PHIP: variants seen among roughly 807,000 people sequenced by gnomAD.
The protein encoded by PHIP is PH-interacting protein.
Under a neutral mutation model 236.8 loss-of-function variants are expected in PHIP, and 54 were observed. The ratio of observed to expected loss-of-function variants is 0.23; its 90% confidence interval spans 0.18 to 0.29. The LOEUF is 0.29. Ranked by LOEUF, PHIP falls within the 10% of genes least tolerant of loss-of-function variation. PHIP has a pLI of 1.00. For synonymous variants in PHIP, 756 were observed against 718.9 expected, an observed-to-expected ratio of 1.05 and a Z score of -0.83; for missense variants, 1,370 against 2,190.8, an observed-to-expected ratio of 0.63 and a Z score of 7.48.
intron 18 of PHIP, 46 bp downstream of exon 18, chr6:78,998,208 G>C: frequency 1.3e-6 from 2 of 1,524,084 alleles, no homozygotes; most frequent in South Asian, 1.1e-5. Context: ...GATTTAGGCT[G>C]TTTCAAATTT....
rs749377676 is a variant in PHIP, at chr6:79,078,015, G to GC, written c.40+13dup. ...TCGCCCGGTGCCAGCGGCCCCGGCAGCCCCCCGACTTACCCGATCGCAGCT... is the reference window on the plus strand; with the variant it reads ...TCGCCCGGTGCCAGCGGCCCCGGCAGCCCCCCCGACTTACCCGATCGCAGCT... On this transcript the variant is annotated intron_variant, in intron 1 of 39. Coordinates refer to ENST00000275034, the MANE Select transcript of PHIP (RefSeq NM_017934.7). 54 of 1,608,248 alleles carry GC rather than the reference G, an allele frequency of 3.4e-5. No homozygotes were observed. The highest frequency in any genetic ancestry group is 3.4e-4 in the East Asian group (15 of 44,724).
intron 4 of PHIP, among the ~76,000 whole-genome samples, chr6:79,074,709 T>C (rs112724833): frequency 6.6e-6 from 1 of 152,084 alleles, no homozygotes; most frequent in African/African-American, 2.4e-5. Context: ...GATACGACCA[T>C]TTCCTTTCTC....
intron 17 of PHIP, among the ~76,000 whole-genome samples, chr6:79,001,007 T>A (rs967488442): frequency 3.9e-5 from 6 of 152,206 alleles, no homozygotes; most frequent in African/African-American, 1.2e-4. Flanking sequence ...ACGTTTGAGG[T>A]TGATTTTTTC....
At chr6:78,955,327 C>T (rs983518046) in intron 33 of PHIP, 45 bp from the exon 34 acceptor site, 3 of 1,347,928 alleles carry the variant, frequency 2.2e-6, no homozygotes, top group Non-Finnish European at 3.2e-6. Context: ...TTTTAGATGT[C>T]ATTATACTTT....
intron 24 of PHIP, among the ~76,000 whole-genome samples, chr6:78,972,743 G>C (rs1379991251): frequency 6.6e-5 from 10 of 152,256 alleles, no homozygotes; most frequent in Non-Finnish European, 2.9e-5. Flanking sequence ...AGAAGCCTCA[G>C]GAGCCGATGC....
intron 25 of PHIP, 142 bp downstream of exon 25, chr6:78,970,637 TCC>T (rs1171074984): frequency 8.7e-6 from 5 of 574,742 alleles, no homozygotes; most frequent in Non-Finnish European, 1.5e-5. Flanking sequence ...ATTAAACACC[TCC>T]TACTCTCTAG....
intron 15 of PHIP, among the ~76,000 whole-genome samples, chr6:79,013,360 T>G (rs1365305602): frequency 6.6e-6 from 1 of 151,812 alleles, no homozygotes. Flanking sequence ...TCTGCAATTC[T>G]ATGAATACTA....
At chr6:78,996,921 G>T (rs1051937545) in intron 19 of PHIP, among the ~76,000 whole-genome samples, 2 of 151,566 alleles carry the variant, frequency 1.3e-5, no homozygotes, top group African/African-American at 4.8e-5. Context: ...TAAGAGAATA[G>T]AATTTTATTA....
At chr6:79,045,386 GCTAGGA>G (rs1174761231) in intron 6 of PHIP, among the ~76,000 whole-genome samples, 1 of 152,116 alleles carries the variant, frequency 6.6e-6, no homozygotes, top group Non-Finnish European at 1.5e-5. Flanking sequence ...AGAAGGATGA[GCTAGGA>G]CTCACATTCG....
chr6:78,975,369 T>C (rs1302789209), intron 24 of PHIP, among the ~76,000 whole-genome samples: 1 of 152,206 alleles, frequency 6.6e-6, no homozygotes, highest in African/African-American at 2.4e-5. Context: ...TGATGGGACA[T>C]ATTTCAAAAT....
intron 16 of PHIP, among the ~76,000 whole-genome samples, chr6:79,003,447 A>G (rs1770118913): frequency 6.6e-6 from 1 of 152,094 alleles, no homozygotes; most frequent in East Asian, 1.9e-4. Flanking sequence ...TCCAGTTTAT[A>G]TACCCCAAGT....
chr6:78,950,123 T>A (rs1453123997), intron 35 of PHIP, among the ~76,000 whole-genome samples: 1 of 152,236 alleles, frequency 6.6e-6, no homozygotes, highest in Non-Finnish European at 1.5e-5. Flanking sequence ...ATGTTCTTTC[T>A]GGATTACTTG....
intron 4 of PHIP, among the ~76,000 whole-genome samples, chr6:79,072,356 A>G (rs1439816551): frequency 3.9e-5 from 6 of 152,162 alleles, no homozygotes; most frequent in African/African-American, 1.4e-4. Context: ...CAGTAGCACA[A>G]TTTTTCCAGA....
chr6:79,076,725 A>C (rs928563622), intron 4 of PHIP, among the ~76,000 whole-genome samples: 3 of 152,182 alleles, frequency 2.0e-5, no homozygotes, highest in African/African-American at 7.2e-5. Context: ...ATAATTTTTA[A>C]TTAAACGAGA....
Position 78,940,535 on chromosome 6 carries a change from G to A in PHIP, c.*158C>T. The A allele has an allele frequency of 6.0e-6, 1 of 165,400 alleles. No homozygotes were observed. Among genetic ancestry groups the A allele is most frequent in the Admixed American group, 7.3e-5 (1 of 13,674 alleles). The allele number at this position is 165,400 out of a possible 1,614,324, so 10.2% of individuals were successfully genotyped here. On this transcript the variant is annotated 3_prime_UTR_variant, in exon 40 of 40. Coordinates refer to ENST00000275034, the MANE Select transcript of PHIP (RefSeq NM_017934.7). The stretch of plus-strand genomic sequence containing the variant: ...ATATATTCATTTAAAGAAGTGAAGT[G>A]TCTCGTAAGTTTGTTTTTTTTTTTT...
chr6:78,940,099 C>CA lies in PHIP; in HGVS notation c.*593dup, dbSNP rs1437538489. The CA allele has an allele frequency of 1.3e-5, 2 of 152,300 alleles. No individual in the cohort carries two copies. The highest frequency in any genetic ancestry group is 2.9e-5 in the Non-Finnish European group (2 of 67,902). 9.4% of individuals were successfully genotyped at this position (152,300 alleles called of 1,614,324 possible). A position where few individuals can be genotyped will look rare whatever the true frequency, so the allele number is the denominator to read the frequency against. On this transcript the variant is annotated 3_prime_UTR_variant, in exon 40 of 40. Transcript: ENST00000275034. ...CTTGTTTGGCAGAAATGGAATAAAG[C>CA]AAAAGCCTCCTCTAGATACTTTGTA...
Position 78,963,088 on chromosome 6 carries a change from T to G in PHIP, c.3535+9A>C, listed in dbSNP as rs1399631622. On this transcript the variant is annotated intron_variant, in intron 30 of 39. Transcript: ENST00000275034. ...AGTTTTTTCTATACTCGCGTGTTGC[T>G]TTACTTACCTAGTGTCATCAACTGG... 6.3e-7 allele frequency: 1 copy of G among 1,575,152 alleles called. No individual in the cohort carries two copies. Among genetic ancestry groups the G allele is most frequent in the South Asian group, 1.2e-5 (1 of 84,714 alleles).
intron 17 of PHIP, among the ~76,000 whole-genome samples, chr6:79,000,480 G>A (rs909203934): frequency 6.6e-6 from 1 of 151,958 alleles, no homozygotes; most frequent in Non-Finnish European, 1.5e-5. Context: ...ATTAAATATT[G>A]TTTATGAAAG....
At position 78,982,927 on chromosome 6, in the gene PHIP, T is replaced by C. The variant is rs763315306; in HGVS notation, c.2728A>G (p.Ile910Val). Residue 910 changes from isoleucine to valine, a missense_variant, in exon 23 of 40, where the codon ATA becomes GTA. Ile to Val is a conservative substitution (Grantham distance 29). This residue lies in a region of PHIP where 76 missense variants were observed against 76.4 expected (regional missense o/e 0.99). Coordinates refer to ENST00000275034, the MANE Select transcript of PHIP (RefSeq NM_017934.7). ...KKVNEEKDGP[I>V]SPKKKKPKER... ...TTGGGCTTCTTTTTCTTTGGTGATA[T>C]TGGTCCATCTTTTTCTTCATTTACT... is the stretch of plus-strand genomic sequence containing the variant. 4.4e-6 allele frequency: 7 copies of C among 1,591,514 alleles called. No individual in the cohort carries two copies. The highest frequency in any genetic ancestry group is 4.1e-5 in the African/African-American group (3 of 73,584).
Sources: allele counts gnomAD v4.1 joint callset (sites outside exome capture counted in the v4.1 genomes callset), GRCh38; gene constraint gnomAD v4.1.1; regional missense constraint gnomAD v4.1.1; transcripts MANE v1.5; gene names NCBI Gene and HGNC (gene_info 2026-07-23, HGNC 2026-07-21).